Variants in TRIB1 observed in about 807,000 individuals in gnomAD.
TRIB1 encodes tribbles homolog 1.
In TRIB1, 12 loss-of-function variants were observed where a neutral mutation model predicts 27.8. The ratio of observed to expected loss-of-function variants is 0.43; its 90% CI spans 0.28 to 0.70. The LOEUF is 0.70. Ranked by LOEUF, TRIB1 falls within the 30% of genes least tolerant of loss-of-function variation. The probability of loss-of-function intolerance (pLI) is 0.18; values close to 1 mark genes in which losing one functional copy is unlikely to be tolerated. For synonymous variants in TRIB1, 230 were observed against 224.9 expected (o/e 1.02, Z -0.20); for missense variants, 475 against 515.8 (o/e 0.92, Z 0.77).
chr8:125,431,393 G>A, intron 1 of TRIB1, 131 bp downstream of exon 1: 1 of 1,004,194 alleles, frequency 1.0e-6, no homozygotes, highest in Non-Finnish European at 1.3e-6. Context: ...CAGATAAGAC[G>A]CCATTTGACC....
chr8:125,430,744 T>C lies in TRIB1; in HGVS notation c.-159T>C. The C allele has an allele frequency of 1.0e-6, 1 of 961,524 alleles. No homozygotes were observed. Among genetic ancestry groups the C allele is most frequent in the Non-Finnish European group, 1.4e-6 (1 of 730,258 alleles). The allele number at this position is 961,524 out of a possible 1,614,324, so 59.6% of individuals were successfully genotyped here. A position where few individuals can be genotyped will look rare whatever the true frequency, so the allele number is the denominator to read the frequency against. On this transcript the variant is annotated 5_prime_UTR_variant, in exon 1 of 3. Transcript: ENST00000311922. ...CGCGTGCAACGCGAGCGCCGGGGAG[T>C]GGCTCCTGCTTTGCCCCTCGTGGGG... is the stretch of plus-strand genomic sequence containing the variant.
At position 125,437,606 on chromosome 8, in the gene TRIB1, A is replaced by T. The variant is rs934669210; in HGVS notation, c.*1135A>T. The T allele has an allele frequency of 6.6e-6, 1 of 152,378 alleles. No individual in the cohort carries two copies. Among genetic ancestry groups the T allele is most frequent in the Non-Finnish European group, 1.5e-5 (1 of 68,048 alleles). 9.4% of individuals were successfully genotyped at this position (152,378 alleles called of 1,614,324 possible). A position where few individuals can be genotyped will look rare whatever the true frequency, so the allele number is the denominator to read the frequency against. On this transcript the variant is annotated 3_prime_UTR_variant, in exon 3 of 3. Coordinates refer to ENST00000311922, the MANE Select transcript of TRIB1 (RefSeq NM_025195.4). Reference sequence around the variant, plus strand: ...GTCTGTATAATCGGCTTCTGGAGTGAAACAGCAAACCCCAAATCTTCAAAG... The same window carrying T: ...GTCTGTATAATCGGCTTCTGGAGTGTAACAGCAAACCCCAAATCTTCAAAG...
chr8:125,436,274 T>TC lies in TRIB1; in HGVS notation c.927dup (p.Lys310GlnfsTer30). ...ACAGTTCTGCATTCCTGAGCACATT[T>TC]CCCCCAAAGCCAGGTGCCTCATTCG... On this transcript the variant is annotated frameshift_variant, in exon 3 of 3. Coordinates refer to ENST00000311922, the MANE Select transcript of TRIB1 (RefSeq NM_025195.4). LOFTEE classifies it high-confidence loss of function. 1 of 1,613,902 alleles carries TC rather than the reference T, an allele frequency of 6.2e-7. No individual in the cohort carries two copies. The highest frequency in any genetic ancestry group is 8.5e-7 in the Non-Finnish European group (1 of 1,179,988).
Position 125,430,942 on chromosome 8 carries a change from T to G in TRIB1, c.40T>G (p.Ser14Ala). 6.8e-7 allele frequency: 1 copy of G among 1,471,348 alleles called. No individual in the cohort carries two copies. Among genetic ancestry groups the G allele is most frequent in the Non-Finnish European group, 8.9e-7 (1 of 1,118,946 alleles). The allele number at this position is 1,471,348 out of a possible 1,614,324, so 91.1% of individuals were successfully genotyped here. ...GGTGCGCTCTGCCATGAGCGGCGCC[T>G]CGCAGCCCCGCGGCCCGGCCCTGCT... is the stretch of plus-strand genomic sequence containing the variant. ...GPVRSAMSGA[S>A]QPRGPALLFP... The change falls in exon 1 of 3, where the codon TCG becomes GCG. Residue 14 changes from serine to alanine, a missense_variant. By Grantham distance (99) the Ser-to-Ala change is moderately conservative. Transcript: ENST00000311922.
At position 125,436,703 on chromosome 8, in the gene TRIB1, C is replaced by G. The variant is rs1432290519; in HGVS notation, c.*232C>G. ...TTTGTTTCCCTTAAGGAACCCTCAC[C>G]AACTATCTCTGCTGGATTTGGGAGT... On this transcript the variant is annotated 3_prime_UTR_variant, in exon 3 of 3. Coordinates refer to ENST00000311922, the MANE Select transcript of TRIB1 (RefSeq NM_025195.4). 1.7e-6 allele frequency: 1 copy of G among 579,868 alleles called. No homozygotes were observed. The highest frequency in any genetic ancestry group is 2.9e-5 in the East Asian group (1 of 34,860). The allele number at this position is 579,868 out of a possible 1,614,324, so 35.9% of individuals were successfully genotyped here.
chr8:125,433,264 G>T lies in TRIB1; in HGVS notation c.361-53G>T. The T allele has an allele frequency of 6.4e-7, 1 of 1,570,922 alleles. No individual in the cohort carries two copies. On this transcript the variant is annotated intron_variant, in intron 1 of 2. Transcript: ENST00000311922. This position sits in a 1 kb window ranked among gnomAD's most constrained non-coding sequence, Gnocchi z 4.4. Reference sequence around the variant, plus strand: ...CTGTTCAGCTCCCTCAGGGGTTTGGGAGGCTGCCTTTGCTTTTCTAGCCCC... The same window carrying T: ...CTGTTCAGCTCCCTCAGGGGTTTGGTAGGCTGCCTTTGCTTTTCTAGCCCC...
intron 2 of TRIB1, among the ~76,000 whole-genome samples, chr8:125,434,263 A>G (rs1199392122): frequency 6.6e-6 from 1 of 152,254 alleles, no homozygotes; most frequent in East Asian, 1.9e-4. Context: ...GTAATGAGGC[A>G]TTAAGATTCA....
Position 125,431,091 on chromosome 8 carries a change from C to T in TRIB1, c.189C>T (p.Pro63=). 1.4e-6 allele frequency: 2 copies of T among 1,383,020 alleles called. No homozygotes were observed. Among genetic ancestry groups the T allele is most frequent in the Non-Finnish European group, 1.9e-6 (2 of 1,074,470 alleles). The allele number at this position is 1,383,020 out of a possible 1,614,324, so 85.7% of individuals were successfully genotyped here. Residue 63 remains proline, a synonymous_variant, in exon 1 of 3, where the codon CCC becomes CCT. Coordinates refer to ENST00000311922, the MANE Select transcript of TRIB1 (RefSeq NM_025195.4). ...CSSPPDYLSP[P]GSPCSPQPPP... is the part of the protein sequence containing the mutation. ...GCCCCCCGGACTACCTCAGCCCCCC[C>T]GGCTCGCCCTGCAGCCCGCAGCCCC...
chr8:125,430,781 A>G lies in TRIB1; in HGVS notation c.-122A>G, dbSNP rs548695299. The G allele has an allele frequency of 7.1e-6, 9 of 1,263,566 alleles. No homozygotes were observed. In the South Asian group the frequency reaches 1.6e-4, roughly 23 times the overall value. 78.3% of individuals were successfully genotyped at this position (1,263,566 alleles called of 1,614,324 possible). ...TGCCCCTCGTGGGGGCCGAGCCAAGACCAGTCTGCAAACTCCATCCCGCCG... is the reference window on the plus strand; with the variant it reads ...TGCCCCTCGTGGGGGCCGAGCCAAGGCCAGTCTGCAAACTCCATCCCGCCG... On this transcript the variant is annotated 5_prime_UTR_variant, in exon 1 of 3. Coordinates refer to ENST00000311922, the MANE Select transcript of TRIB1 (RefSeq NM_025195.4).
Position 125,436,486 on chromosome 8 carries a change from G to A in TRIB1, c.*15G>A. ...TCTTCTGCTAATCCCCAAAACCTCAGAAACCTCATAATTCTTAACACCTGG... is the reference window on the plus strand; with the variant it reads ...TCTTCTGCTAATCCCCAAAACCTCAAAAACCTCATAATTCTTAACACCTGG... On this transcript the variant is annotated 3_prime_UTR_variant, in exon 3 of 3. Coordinates refer to ENST00000311922, the MANE Select transcript of TRIB1 (RefSeq NM_025195.4). 1 of 1,609,932 alleles carries A rather than the reference G, an allele frequency of 6.2e-7. No individual in the cohort carries two copies. The highest frequency in any genetic ancestry group is 8.5e-7 in the Non-Finnish European group (1 of 1,176,988).
In TRIB1 at chr8:125,430,436, C is replaced by T. The variant is rs968753262; in HGVS notation, c.-467C>T. On this transcript the variant is annotated 5_prime_UTR_variant, in exon 1 of 3. Coordinates refer to ENST00000311922, the MANE Select transcript of TRIB1 (RefSeq NM_025195.4). ...CCCGGAGCCCAGGAGCGCTCAGGAT[C>T]CCGAGCGCCGCGAAAAAGTTCCCCC... The T allele has an allele frequency of 2.6e-5, 4 of 155,224 alleles. No homozygotes were observed. The highest frequency in any genetic ancestry group is 7.2e-5 in the African/African-American group (3 of 41,526). The allele number at this position is 155,224 out of a possible 1,614,324, so 9.6% of individuals were successfully genotyped here. A position where few individuals can be genotyped will look rare whatever the true frequency, so the allele number is the denominator to read the frequency against.
chr8:125,432,145 G>T (rs1399043651), intron 1 of TRIB1: 18 of 681,724 alleles, frequency 2.6e-5, no homozygotes, highest in Non-Finnish European at 3.1e-5. Flanking sequence ...TCGCTTCTGG[G>T]TTTTCCGCAA....
Sources: allele counts gnomAD v4.1 joint callset (sites outside exome capture counted in the v4.1 genomes callset), GRCh38; gene constraint gnomAD v4.1.1; non-coding constraint Gnocchi (gnomAD v3.1); transcripts MANE v1.5; gene names NCBI Gene and HGNC (gene_info 2026-07-23, HGNC 2026-07-21).